Variants in COQ8A observed in about 807,000 individuals in gnomAD.
The protein encoded by COQ8A is coenzyme Q8A.
Under a neutral mutation model 65.0 loss-of-function variants are expected in COQ8A, and 51 were observed. That is an observed-to-expected ratio of 0.78 (90% CI 0.63 to 0.99). COQ8A has a LOEUF of 0.99. Ranked by LOEUF, COQ8A falls within the 50% of genes least tolerant of loss-of-function variation. The pLI is 0.00. For missense variants in COQ8A, 940 were observed against 875.0 expected (o/e 1.07, Z -0.94); for synonymous variants, 371 against 353.2 (o/e 1.05, Z -0.57).
At chr1:226,980,586 C>G (rs377585577) in intron 5 of COQ8A, among the ~76,000 whole-genome samples, 3 of 152,346 alleles carry the variant, frequency 2.0e-5, no homozygotes, top group East Asian at 3.9e-4. Flanking sequence ...CTGCTGCTGC[C>G]TAAGGCAAGG....
intron 1 of COQ8A, among the ~76,000 whole-genome samples, chr1:226,941,882 A>T (rs7519701): frequency 0.1 from 15,747 of 152,098 alleles, 1,410 homozygotes; most frequent in African/African-American, 0.25. Flanking sequence ...ATGTTGAGCA[A>T]CTCAAAGGAA....
chr1:226,984,031 G>C, intron 10 of COQ8A, 63 bp from the exon 11 acceptor site: 2 of 1,495,894 alleles, frequency 1.3e-6, no homozygotes, highest in Non-Finnish European at 1.8e-6. Context: ...TGGGGGGTGT[G>C]TGTGGGGGGG....
Position 226,978,751 on chromosome 1 carries a change from ACCCACC to A in COQ8A, c.730+1229_730+1234del, listed in dbSNP as rs1558202084. 8.0e-5 allele frequency among the ~76,000 whole-genome samples: 8 copies of A among 100,606 alleles called. 2 individuals are homozygous for A. The highest frequency in any genetic ancestry group is 2.9e-4 in the Admixed American group (3 of 10,264). The allele number at this position is 100,606 out of a possible 152,430, so 66.0% of individuals were successfully genotyped here. On this transcript the variant is annotated intron_variant, in intron 5 of 14. Transcript: ENST00000366777. ...CTCATACCTGCACACCTCCTTACACACCCACCTCACACCCGCATACCTCCGTACACA... is the reference window on the plus strand; with the variant it reads ...CTCATACCTGCACACCTCCTTACACATCACACCCGCATACCTCCGTACACA...
At chr1:226,973,900 G>T (rs1659040445) in intron 4 of COQ8A, among the ~76,000 whole-genome samples, 1 of 152,222 alleles carries the variant, frequency 6.6e-6, no homozygotes, top group Non-Finnish European at 1.5e-5. Flanking sequence ...ACCCCTTGCT[G>T]GTAGAGAAAC....
At chr1:226,981,922 G>A (rs1659719350) in intron 5 of COQ8A, 105 bp from the exon 6 acceptor site, 2 of 1,544,622 alleles carry the variant, frequency 1.3e-6, no homozygotes, top group African/African-American at 1.4e-5. Context: ...ATGGACGCCT[G>A]GGAGGAAGGA....
At position 226,978,872 on chromosome 1, in the gene COQ8A, C is replaced by T. The variant is rs116622833; in HGVS notation, c.730+1349C>T. 2.3e-3 allele frequency among the ~76,000 whole-genome samples: 172 copies of T among 74,794 alleles called. 35 individuals are homozygous for T. Among genetic ancestry groups the T allele is most frequent in the Non-Finnish European group, 3.7e-3 (103 of 27,534 alleles). The allele number at this position is 74,794 out of a possible 152,430, so 49.1% of individuals were successfully genotyped here. ...TCATACCTGCACACCACCTTACACA[C>T]CCTCCACACACCCACCAATCACCCA... On this transcript the variant is annotated intron_variant, in intron 5 of 14. Coordinates refer to ENST00000366777, the MANE Select transcript of COQ8A (RefSeq NM_020247.5).
At chr1:226,960,359 G>GGTGGTGGTA (rs1558187319) in intron 1 of COQ8A, among the ~76,000 whole-genome samples, 4 of 1,292 alleles carry the variant, frequency 3.1e-3, no homozygotes, top group African/African-American at 5.2e-3. Flanking sequence ...TGGTGGTGGT[G>GGTGGTGGTA]CTTGGTGGTG....
intron 4 of COQ8A, among the ~76,000 whole-genome samples, chr1:226,976,032 C>T (rs545226664): frequency 1.3e-5 from 2 of 148,254 alleles, no homozygotes; most frequent in South Asian, 4.2e-4. Context: ...CCAACAGCCC[C>T]CTGCTGCGAT....
chr1:226,982,051 G>A lies in COQ8A; in HGVS notation c.755G>A (p.Ser252Asn). 6.2e-7 allele frequency: 1 copy of A among 1,612,928 alleles called. No individual in the cohort carries two copies. Among genetic ancestry groups the A allele is most frequent in the Non-Finnish European group, 8.5e-7 (1 of 1,180,006 alleles). ...GGGAAGAAGGCCGTGCTGGGTTCCA[G>A]TCCTTTCCTGTCCGAGGCCAATGCA... ...PSGKKAVLGS[S>N]PFLSEANAER... The change falls in exon 6 of 15, where the codon AGT becomes AAT. Residue 252 changes from serine to asparagine, a missense_variant. By Grantham distance (46) the Ser-to-Asn change is conservative. Coordinates refer to ENST00000366777, the MANE Select transcript of COQ8A (RefSeq NM_020247.5).
Position 226,986,688 on chromosome 1 carries a change from T to A in COQ8A, c.1895T>A (p.Met632Lys). ...KLKARFPCKA[M>K]FEEAYSNYCK... ...AAGGCCCGCTTCCCCTGCAAGGCCA[T>A]GTTCGAGGAGGCCTACAGCAACTAC... Residue 632 changes from methionine (M) to lysine (K), a missense_variant, in exon 15 of 15, where the codon ATG becomes AAG. Transcript: ENST00000366777. 1 of 1,614,100 alleles carries A rather than the reference T, an allele frequency of 6.2e-7. No homozygotes were observed. The highest frequency in any genetic ancestry group is 8.5e-7 in the Non-Finnish European group (1 of 1,180,036).
At chr1:226,980,915 C>T (rs1449845982) in intron 5 of COQ8A, among the ~76,000 whole-genome samples, 3 of 152,264 alleles carry the variant, frequency 2.0e-5, no homozygotes, top group South Asian at 2.1e-4. Flanking sequence ...GGCAGTGGCA[C>T]GGTCACCTCT....
At chr1:226,944,689 C>T (rs1316280295) in intron 1 of COQ8A, among the ~76,000 whole-genome samples, 6 of 117,048 alleles carry the variant, frequency 5.1e-5, no homozygotes, top group Non-Finnish European at 1.0e-4. Context: ...AGGAGTTGTA[C>T]CCTGAGAGAG....
rs1558187290 is a variant in COQ8A at position 226,960,351 on chromosome 1, G to GTGCT, written c.-9-1024_-9-1023insCTTG. 4.5e-3 allele frequency among the ~76,000 whole-genome samples: 59 copies of GTGCT among 13,096 alleles called. 14 individuals carry two copies. Among genetic ancestry groups the GTGCT allele is most frequent in the African/African-American group, 0.013 (52 of 3,942 alleles). The allele number at this position is 13,096 out of a possible 152,430, so 8.6% of individuals were successfully genotyped here. ...GTATCAGTGGTACTTGGTGGTGGTG[G>GTGCT]TGGTGGTGCTTGGTGGTGGTGGTGG... On this transcript the variant is annotated intron_variant, in intron 1 of 14. Transcript: ENST00000366777.
At chr1:226,982,811 T>C (rs1572079293) in intron 7 of COQ8A, 48 bp downstream of exon 7, 1 of 1,612,612 alleles carries the variant, frequency 6.2e-7, no homozygotes. Flanking sequence ...CGGCCCCCAC[T>C]GGGTGGAGGG....
chr1:226,975,300 C>CGTA (rs1388818839), intron 4 of COQ8A, among the ~76,000 whole-genome samples: 2 of 152,112 alleles, frequency 1.3e-5, no homozygotes, highest in East Asian at 3.9e-4. Flanking sequence ...ACATCTGTAC[C>CGTA]ATGTGTGTTG....
At chr1:226,976,216 CT>C (rs1659202065) in intron 4 of COQ8A, among the ~76,000 whole-genome samples, 1 of 19,098 alleles carries the variant, frequency 5.2e-5, no homozygotes, top group African/African-American at 1.5e-4. Context: ...GCGATGTTGC[CT>C]GGCTGCGGGG....
At chr1:226,944,069 G>A (rs1656853882) in intron 1 of COQ8A, among the ~76,000 whole-genome samples, 1 of 152,074 alleles carries the variant, frequency 6.6e-6, no homozygotes, top group African/African-American at 2.4e-5. Flanking sequence ...CTTGGAGTAG[G>A]TGGAGAAAGA....
intron 1 of COQ8A, among the ~76,000 whole-genome samples, chr1:226,941,556 C>T (rs887020164): frequency 1.3e-5 from 2 of 151,704 alleles, no homozygotes; most frequent in African/African-American, 4.8e-5. Flanking sequence ...CACCGTAGGT[C>T]AGGAGTTCGA....
At chr1:226,943,639 G>C (rs1444023706) in intron 1 of COQ8A, among the ~76,000 whole-genome samples, 3 of 152,178 alleles carry the variant, frequency 2.0e-5, no homozygotes, top group African/African-American at 4.8e-5. Context: ...AGCTGGTTTG[G>C]GAGAAGGTGG....
Sources: allele counts gnomAD v4.1 joint callset (sites outside exome capture counted in the v4.1 genomes callset), GRCh38; gene constraint gnomAD v4.1.1; transcripts MANE v1.5; gene names NCBI Gene and HGNC (gene_info 2026-07-23, HGNC 2026-07-21).